ITPR2: variants seen among roughly 807,000 people sequenced by gnomAD.
ITPR2 encodes inositol 1,4,5-trisphosphate receptor type 2, also known as inositol 1,4,5-trisphosphate-gated calcium channel ITPR2.
In ITPR2, 207 loss-of-function variants were observed where a neutral mutation model predicts 317.1. The ratio of observed to expected loss-of-function variants is 0.65; its 90% CI spans 0.58 to 0.73. The LOEUF (loss-of-function observed/expected upper bound fraction) is 0.73. ITPR2 is among the 30% of genes least tolerant of loss of function. The probability of loss-of-function intolerance (pLI) is 0.00; values close to 1 mark genes in which losing one functional copy is unlikely to be tolerated. For synonymous variants in ITPR2, 1,156 were observed against 1,149.1 expected, an observed-to-expected ratio of 1.01 and a Z score of -0.12; for missense variants, 2,613 against 3,284.0, an observed-to-expected ratio of 0.80 and a Z score of 4.99.
intron 26 of ITPR2, among the ~76,000 whole-genome samples, chr12:26,611,958 C>G (rs1000154570): frequency 7.2e-5 from 11 of 152,116 alleles, no homozygotes; most frequent in African/African-American, 1.9e-4. Context: ...TCTTTTAATG[C>G]TGGGGACGAT....
intron 2 of ITPR2, among the ~76,000 whole-genome samples, chr12:26,761,155 C>T (rs1949624491): frequency 6.6e-6 from 1 of 152,154 alleles, no homozygotes; most frequent in Middle Eastern, 3.2e-3. Flanking sequence ...CAGGCCCAAC[C>T]CCATAGATTC....
intron 45 of ITPR2, among the ~76,000 whole-genome samples, chr12:26,457,272 A>C (rs1018667256): frequency 6.6e-6 from 1 of 152,220 alleles, no homozygotes; most frequent in Non-Finnish European, 1.5e-5. Context: ...TATGAAACAG[A>C]AACTTATAGA....
At chr12:26,696,147 C>T (rs1221466594) in intron 9 of ITPR2, among the ~76,000 whole-genome samples, 1 of 152,102 alleles carries the variant, frequency 6.6e-6, no homozygotes, top group Non-Finnish European at 1.5e-5. Flanking sequence ...AACAAACAAA[C>T]ACATGTCTTC....
chr12:26,518,296 C>T (rs1033302956), intron 37 of ITPR2, among the ~76,000 whole-genome samples: 13 of 152,114 alleles, frequency 8.5e-5, no homozygotes, highest in African/African-American at 2.9e-4. Flanking sequence ...CATGTTCTCA[C>T]TTATAAGGAG....
intron 35 of ITPR2, 106 bp downstream of exon 35, chr12:26,561,656 C>T: frequency 1.1e-6 from 1 of 911,892 alleles, no homozygotes; most frequent in Non-Finnish European, 1.6e-6. Flanking sequence ...AAGGCCTGGT[C>T]CCCAAATAGA....
chr12:26,619,111 T>G (rs1946438707), intron 26 of ITPR2, among the ~76,000 whole-genome samples: 1 of 152,190 alleles, frequency 6.6e-6, no homozygotes, highest in Non-Finnish European at 1.5e-5. Context: ...CTACAGAAGT[T>G]TGCTTTGTTT....
At position 26,338,744 on chromosome 12, in the gene ITPR2, C is replaced by T. The variant is rs575499573; in HGVS notation, c.*653G>A. The T allele has an allele frequency of 6.6e-6, 1 of 152,254 alleles. No homozygotes were observed. The highest frequency in any genetic ancestry group is 2.1e-4 in the South Asian group (1 of 4,824). The allele number at this position is 152,254 out of a possible 1,614,324, so 9.4% of individuals were successfully genotyped here. On this transcript the variant is annotated 3_prime_UTR_variant, in exon 57 of 57. Transcript: ENST00000381340. ...CCACATTGACAGAGCCTGTCTGAAT[C>T]CCAGAGAAGGCAATCACATCCTGTT...
chr12:26,615,825 C>T (rs1946361237), intron 26 of ITPR2, among the ~76,000 whole-genome samples: 1 of 152,056 alleles, frequency 6.6e-6, no homozygotes, highest in African/African-American at 2.4e-5. Context: ...AAAATGTCAA[C>T]AAATCTCTCT....
intron 55 of ITPR2, among the ~76,000 whole-genome samples, chr12:26,382,793 A>G (rs1008427434): frequency 1.3e-5 from 2 of 152,324 alleles, no homozygotes; most frequent in African/African-American, 4.8e-5. Flanking sequence ...TGCGATTCTA[A>G]CCCTTAGAAG....
chr12:26,616,138 T>C (rs1428071717), intron 26 of ITPR2, among the ~76,000 whole-genome samples: 1 of 151,948 alleles, frequency 6.6e-6, no homozygotes, highest in African/African-American at 2.4e-5. Context: ...TTTTATTTTA[T>C]TTTATTTTAT....
intron 55 of ITPR2, among the ~76,000 whole-genome samples, chr12:26,356,096 TC>T (rs1338838045): frequency 6.6e-6 from 1 of 152,226 alleles, no homozygotes; most frequent in East Asian, 1.9e-4. Context: ...AAAATGGCAT[TC>T]AACTCTAAGT....
At chr12:26,707,677 GCA>G (rs1356004781) in intron 9 of ITPR2, among the ~76,000 whole-genome samples, 1 of 152,076 alleles carries the variant, frequency 6.6e-6, no homozygotes, top group Non-Finnish European at 1.5e-5. Context: ...GGGATTACAG[GCA>G]CCCGCCATCA....
chr12:26,606,766 T>C (rs1946138338), intron 26 of ITPR2, among the ~76,000 whole-genome samples: 3 of 151,832 alleles, frequency 2.0e-5, no homozygotes. Context: ...ACTCTGTCTC[T>C]ATAAAAAATA....
intron 34 of ITPR2, among the ~76,000 whole-genome samples, chr12:26,571,110 G>A (rs1319543913): frequency 2.6e-5 from 4 of 152,170 alleles, no homozygotes; most frequent in East Asian, 1.9e-4. Flanking sequence ...AGAAGACAGC[G>A]TAACAATGGA....
chr12:26,509,839 C>T (rs1290205976), intron 37 of ITPR2, among the ~76,000 whole-genome samples: 2 of 151,730 alleles, frequency 1.3e-5, no homozygotes, highest in African/African-American at 4.8e-5. Context: ...TGTGTAGAAA[C>T]TCAAAATTAT....
intron 45 of ITPR2, among the ~76,000 whole-genome samples, chr12:26,456,161 T>C (rs536948652): frequency 2.0e-5 from 3 of 152,276 alleles, no homozygotes; most frequent in South Asian, 2.1e-4. Context: ...CAGGATGAGA[T>C]AGGAGGTTGG....
intron 44 of ITPR2, 91 bp from the exon 45 acceptor site, chr12:26,475,509 A>G: frequency 7.3e-7 from 1 of 1,362,532 alleles, no homozygotes; most frequent in East Asian, 2.4e-5. Context: ...GCAGCTTCAT[A>G]AGCCTCAAAA....
chr12:26,413,874 A>T (rs988068586), intron 51 of ITPR2, among the ~76,000 whole-genome samples: 1 of 152,186 alleles, frequency 6.6e-6, no homozygotes, highest in Non-Finnish European at 1.5e-5. Flanking sequence ...TAAATAGCAC[A>T]AAATATTTAC....
At chr12:26,663,981 G>A (rs1222391286) in intron 14 of ITPR2, 135 bp from the exon 15 acceptor site, 10 of 800,718 alleles carry the variant, frequency 1.2e-5, no homozygotes, top group African/African-American at 1.7e-5. Flanking sequence ...AAAAACAAAA[G>A]GATTTACGTT....
Sources: allele counts gnomAD v4.1 joint callset (sites outside exome capture counted in the v4.1 genomes callset), GRCh38; gene constraint gnomAD v4.1.1; transcripts MANE v1.5; gene names NCBI Gene and HGNC (gene_info 2026-07-23, HGNC 2026-07-21).